Variants in KDM7A observed in about 807,000 individuals in gnomAD.
KDM7A encodes lysine-specific demethylase 7A.
A neutral mutation model predicts 114.8 loss-of-function variants in KDM7A; 28 were observed. The observed-to-expected ratio is 0.24, with a 90% CI of 0.18 to 0.33. The LOEUF (loss-of-function observed/expected upper bound fraction) is 0.33, where lower values mean the gene tolerates loss of function less well. KDM7A is among the 10% of genes least tolerant of loss of function. The pLI is 1.00. For missense variants in KDM7A, 942 were observed against 1,142.5 expected (o/e 0.82, Z 2.53); for synonymous variants, 423 against 397.8 (o/e 1.06, Z -0.75).
At chr7:140,133,285 AATGTTTTTACAGG>A (rs1357488087) in intron 3 of KDM7A, among the ~76,000 whole-genome samples, 1 of 152,188 alleles carries the variant, frequency 6.6e-6, no homozygotes, top group African/African-American at 2.4e-5. Context: ...CCCACACTTA[AATGTTTTTACAGG>A]GTGACCCAGT....
chr7:140,139,218 TGTAA>T (rs538189027), intron 1 of KDM7A, 28 bp from the exon 2 acceptor site: 126 of 1,506,792 alleles, frequency 8.4e-5, no homozygotes, highest in East Asian at 6.8e-4. Context: ...AAAATCAGTA[TGTAA>T]GTAAGTTGAA....
chr7:140,167,445 C>G (rs985167487), intron 1 of KDM7A, among the ~76,000 whole-genome samples: 22 of 151,922 alleles, frequency 1.4e-4, no homozygotes, highest in Non-Finnish European at 1.8e-4. Flanking sequence ...TGAAACAGAC[C>G]CAAGTATATA....
rs1585133439 is a variant in KDM7A at position 140,088,555 on chromosome 7, C to T, written c.*2539G>A. 2.5e-5 allele frequency: 10 copies of T among 398,276 alleles called. No individual in the cohort carries two copies. The East Asian group carries it at 3.6e-4, about 14-fold the overall frequency. The allele number at this position is 398,276 out of a possible 1,614,324, so 24.7% of individuals were successfully genotyped here. A position where few individuals can be genotyped will look rare whatever the true frequency, so the allele number is the denominator to read the frequency against. On this transcript the variant is annotated 3_prime_UTR_variant, in exon 20 of 20. Transcript: ENST00000397560. ...CGCAGCAGCTACCACAAAGTTCAGCCATTTCCATGAGATAAAGGGATGCAT... is the reference window on the plus strand; with the variant it reads ...CGCAGCAGCTACCACAAAGTTCAGCTATTTCCATGAGATAAAGGGATGCAT...
At chr7:140,138,656 A>G (rs937018748) in intron 2 of KDM7A, among the ~76,000 whole-genome samples, 6 of 152,226 alleles carry the variant, frequency 3.9e-5, no homozygotes, top group African/African-American at 1.2e-4. Context: ...TTCAGAAAAT[A>G]TAAGTAATAT....
intron 2 of KDM7A, 27 bp from the exon 3 acceptor site, chr7:140,133,683 A>G: frequency 7.6e-7 from 1 of 1,320,944 alleles, no homozygotes; most frequent in Non-Finnish European, 1.1e-6. Flanking sequence ...TTAAAAAAAA[A>G]TGATTTTGGT....
rs117060892 is a variant in KDM7A at position 140,096,299 on chromosome 7, T to C, written c.2374+256A>G. ...CAACCTGTCTGTAAAAGGGAAATAATACTAACTGGCTTGCAATAACAATGG... is the reference window on the plus strand; with the variant it reads ...CAACCTGTCTGTAAAAGGGAAATAACACTAACTGGCTTGCAATAACAATGG... On this transcript the variant is annotated intron_variant, in intron 17 of 19. Transcript: ENST00000397560. Among the ~76,000 whole-genome samples, 428 of 152,324 alleles carry C rather than the reference T, an allele frequency of 2.8e-3. 6 individuals carry two copies. Among genetic ancestry groups the C allele is most frequent in the East Asian group, 0.026 (133 of 5,180 alleles).
chr7:140,163,654 G>A (rs1030075992), intron 1 of KDM7A, among the ~76,000 whole-genome samples: 39 of 151,902 alleles, frequency 2.6e-4, no homozygotes, highest in African/African-American at 9.2e-4. Flanking sequence ...ATGGTCAAAG[G>A]AAACATGGAC....
In KDM7A at chr7:140,089,612, GC is replaced by G. The variant is rs1298326842; in HGVS notation, c.*1481del. 6.6e-6 allele frequency: 1 copy of G among 151,964 alleles called. No homozygotes were observed. Among genetic ancestry groups the G allele is most frequent in the African/African-American group, 2.4e-5 (1 of 41,376 alleles). 9.4% of individuals were successfully genotyped at this position (151,964 alleles called of 1,614,324 possible). A position where few individuals can be genotyped will look rare whatever the true frequency, so the allele number is the denominator to read the frequency against. On this transcript the variant is annotated 3_prime_UTR_variant, in exon 20 of 20. Coordinates refer to ENST00000397560, the MANE Select transcript of KDM7A (RefSeq NM_030647.2). Reference sequence around the variant, plus strand: ...TATTGTCAGACTTGGGAACATTTCTGCCCCACCCCCAGAAATCACTTATTTT... The same window carrying G: ...TATTGTCAGACTTGGGAACATTTCTGCCCACCCCCAGAAATCACTTATTTT...
At chr7:140,132,210 T>C (rs1370094672) in intron 3 of KDM7A, among the ~76,000 whole-genome samples, 5 of 152,208 alleles carry the variant, frequency 3.3e-5, no homozygotes, top group African/African-American at 1.2e-4. Context: ...CTACTATGGT[T>C]TGAAATGATG....
At chr7:140,115,643 G>A (rs1818514378) in intron 9 of KDM7A, among the ~76,000 whole-genome samples, 1 of 151,758 alleles carries the variant, frequency 6.6e-6, no homozygotes, top group Admixed American at 6.6e-5. Context: ...AGTAATCAGG[G>A]ACACAAACAC....
intron 1 of KDM7A, among the ~76,000 whole-genome samples, chr7:140,154,499 TAAAAAAAAA>T (rs397974321): frequency 1.1e-4 from 8 of 74,298 alleles, no homozygotes; most frequent in Admixed American, 1.5e-4. Flanking sequence ...CTCTTAAAAT[TAAAAAAAAA>T]AAAAAAAAAA....
At chr7:140,115,202 C>T (rs1393351788) in intron 9 of KDM7A, among the ~76,000 whole-genome samples, 2 of 149,120 alleles carry the variant, frequency 1.3e-5, no homozygotes, top group East Asian at 4.1e-4. Flanking sequence ...AGCCAGCCGC[C>T]CCGTCCGGGA....
At chr7:140,108,404 T>C (rs920272852) in intron 11 of KDM7A, among the ~76,000 whole-genome samples, 9 of 152,126 alleles carry the variant, frequency 5.9e-5, no homozygotes, top group Non-Finnish European at 8.8e-5. Flanking sequence ...TTTTTCCCCA[T>C]CTTTGTGGTT....
Position 140,124,692 on chromosome 7 carries a change from A to G in KDM7A, c.980T>C (p.Phe327Ser), listed in dbSNP as rs1356924465. 1.2e-6 allele frequency: 2 copies of G among 1,613,382 alleles called. No homozygotes were observed. The highest frequency in any genetic ancestry group is 1.7e-6 in the Non-Finnish European group (2 of 1,179,550). ...GCATTTATCCACCTTATCTCCAAAG[A>G]ACACCTCACTCTGGGTCACAGATGA... ...WSSSVTQSEV[F>S]FGDKVDKCYK... Residue 327 changes from phenylalanine (F) to serine (S), a missense_variant, in exon 7 of 20, where the codon TTC (phenylalanine) becomes TCC (serine). Physicochemically the swap from Phe to Ser is radical, Grantham distance 155. This residue lies in a region of KDM7A where 318 missense variants were observed against 453.1 expected (regional missense o/e 0.70). Transcript: ENST00000397560.
intron 3 of KDM7A, among the ~76,000 whole-genome samples, chr7:140,130,744 A>C (rs1818771368): frequency 6.6e-6 from 1 of 152,180 alleles, no homozygotes; most frequent in South Asian, 2.1e-4. Flanking sequence ...CTGCATATTG[A>C]AAGATGACTA....
chr7:140,106,180 TTTC>T (rs1298629000), intron 11 of KDM7A, among the ~76,000 whole-genome samples: 4 of 152,210 alleles, frequency 2.6e-5, no homozygotes, highest in Admixed American at 6.5e-5. Flanking sequence ...TCTTCTCTCT[TTTC>T]TTATTAGTCT....
intron 1 of KDM7A, among the ~76,000 whole-genome samples, chr7:140,153,355 A>G (rs1483191025): frequency 6.6e-6 from 1 of 151,824 alleles, no homozygotes; most frequent in Non-Finnish European, 1.5e-5. Context: ...GCGTGGTGGC[A>G]GGCACCTGTA....
intron 10 of KDM7A, among the ~76,000 whole-genome samples, chr7:140,112,809 G>A (rs1277211531): frequency 1.3e-5 from 2 of 152,164 alleles, no homozygotes; most frequent in Non-Finnish European, 1.5e-5. Flanking sequence ...AAGCCCATAG[G>A]CACAAGAAAT....
intron 11 of KDM7A, among the ~76,000 whole-genome samples, chr7:140,109,505 C>T (rs901578164): frequency 6.6e-6 from 1 of 152,186 alleles, no homozygotes; most frequent in African/African-American, 2.4e-5. Flanking sequence ...GTTGCTTGGT[C>T]TATCTTTTGG....
Sources: gnomAD v4.1 joint callset for allele counts (sites outside exome capture counted in the v4.1 genomes callset) on GRCh38, gnomAD v4.1.1 for gene constraint, gnomAD v4.1.1 regional missense constraint, MANE v1.5 for transcripts, NCBI Gene and HGNC (gene_info 2026-07-23, HGNC 2026-07-21) for gene names.